ANKS1B: variants seen among roughly 807,000 people sequenced by gnomAD.
ANKS1B encodes ankyrin repeat and sterile alpha motif domain containing 1B.
Under a neutral mutation model 148.3 loss-of-function variants are expected in ANKS1B, and 36 were observed. The ratio of observed to expected loss-of-function variants is 0.24; its 90% CI spans 0.19 to 0.32. The LOEUF (loss-of-function observed/expected upper bound fraction) is 0.32. Among genes scored for constraint, ANKS1B ranks in the 10% least tolerant of loss-of-function variants. The pLI, the probability that ANKS1B is intolerant of heterozygous loss-of-function variation, is 1.00. For missense variants in ANKS1B, 1,157 were observed against 1,542.6 expected (o/e 0.75, Z 4.19); for synonymous variants, 542 against 560.8 (o/e 0.97, Z 0.47).
At chr12:99,282,673 G>A (rs935374845) in intron 12 of ANKS1B, among the ~76,000 whole-genome samples, 1 of 152,130 alleles carries the variant, frequency 6.6e-6, no homozygotes, top group African/African-American at 2.4e-5. Flanking sequence ...TGATGTATCG[G>A]ATGTGCCATA....
chr12:99,281,296 A>C (rs1206132156), intron 12 of ANKS1B, among the ~76,000 whole-genome samples: 1 of 152,222 alleles, frequency 6.6e-6, no homozygotes, highest in Non-Finnish European at 1.5e-5. Context: ...ATTTTTATGA[A>C]ATTGAAGGGT....
chr12:99,885,515 G>C (rs1272503417), intron 1 of ANKS1B, among the ~76,000 whole-genome samples: 1 of 152,024 alleles, frequency 6.6e-6, no homozygotes, highest in Admixed American at 6.6e-5. Flanking sequence ...ATGTTAGCCA[G>C]GATGGTCTCA....
chr12:98,917,535 CAAG>C (rs2152884654), intron 17 of ANKS1B, among the ~76,000 whole-genome samples: 2 of 152,280 alleles, frequency 1.3e-5, no homozygotes, highest in South Asian at 4.1e-4. Flanking sequence ...TGAAGACAGA[CAAG>C]AAAAACAGTC....
chr12:99,942,614 G>A (rs1267668189), intron 1 of ANKS1B, among the ~76,000 whole-genome samples: 4 of 152,062 alleles, frequency 2.6e-5, no homozygotes, highest in Non-Finnish European at 5.9e-5. Context: ...TTTTAGAACA[G>A]GAAAGAGCAG....
chr12:99,501,179 G>A (rs2152996267), intron 10 of ANKS1B, among the ~76,000 whole-genome samples: 2 of 151,818 alleles, frequency 1.3e-5, no homozygotes, highest in African/African-American at 4.8e-5. Flanking sequence ...CTTTATAATG[G>A]CACAGTCATT....
intron 14 of ANKS1B, among the ~76,000 whole-genome samples, chr12:99,244,014 A>G (rs1230350936): frequency 1.3e-5 from 2 of 152,152 alleles, no homozygotes; most frequent in Non-Finnish European, 2.9e-5. Flanking sequence ...CACTTAAAGT[A>G]TAATAATAAA....
intron 12 of ANKS1B, among the ~76,000 whole-genome samples, chr12:99,317,222 G>C (rs1253987207): frequency 1.3e-5 from 2 of 152,206 alleles, no homozygotes; most frequent in Non-Finnish European, 2.9e-5. Flanking sequence ...TTGGTAGCTT[G>C]ATGGGAATGG....
intron 8 of ANKS1B, among the ~76,000 whole-genome samples, chr12:99,722,755 C>T (rs2058215148): frequency 6.6e-6 from 1 of 152,208 alleles, no homozygotes; most frequent in South Asian, 2.1e-4. Flanking sequence ...CAACAAGAAG[C>T]AGCCACCGTC....
chr12:99,766,683 A>G (rs2062676763), intron 8 of ANKS1B, among the ~76,000 whole-genome samples: 1 of 152,146 alleles, frequency 6.6e-6, no homozygotes, highest in South Asian at 2.1e-4. Flanking sequence ...TAAGAAATAG[A>G]TTGTTCAGGT....
intron 14 of ANKS1B, among the ~76,000 whole-genome samples, chr12:99,205,356 T>G (rs1011069605): frequency 6.6e-6 from 1 of 152,226 alleles, no homozygotes; most frequent in South Asian, 2.1e-4. Context: ...ATCATAATGG[T>G]CATTTTATTT....
intron 1 of ANKS1B, among the ~76,000 whole-genome samples, chr12:99,830,102 C>T (rs529265258): frequency 1.3e-5 from 2 of 152,118 alleles, no homozygotes; most frequent in African/African-American, 4.8e-5. Flanking sequence ...CTTCAATCTG[C>T]AATCTTCAAT....
chr12:99,355,929 G>A (rs1262220824), intron 12 of ANKS1B, among the ~76,000 whole-genome samples: 1 of 151,904 alleles, frequency 6.6e-6, no homozygotes, highest in Non-Finnish European at 1.5e-5. Context: ...GAAGAGAAAA[G>A]GATGGAAATT....
chr12:99,040,158 C>T lies in ANKS1B; in HGVS notation c.2778+12999G>A, dbSNP rs187281434. Among the ~76,000 whole-genome samples, 366 of 152,210 alleles carry T rather than the reference C, an allele frequency of 2.4e-3. 4 individuals are homozygous for T. The highest frequency in any genetic ancestry group is 0.01 in the Middle Eastern group (3 of 294). Reference sequence around the variant, plus strand: ...GTAGGTCTGGCCATGGGTCTTTCTCCTTCCTTAGTACAATTTCTAAAGGGA... The same window carrying T: ...GTAGGTCTGGCCATGGGTCTTTCTCTTTCCTTAGTACAATTTCTAAAGGGA... On this transcript the variant is annotated intron_variant, in intron 17 of 26. Transcript: ENST00000683438.
chr12:99,958,388 T>G (rs924259488), intron 1 of ANKS1B, among the ~76,000 whole-genome samples: 8 of 152,268 alleles, frequency 5.3e-5, no homozygotes, highest in South Asian at 2.1e-4. Context: ...TTTTTGTTTT[T>G]GGGGGGTTTT....
At chr12:99,646,451 T>C (rs1175688081) in intron 9 of ANKS1B, among the ~76,000 whole-genome samples, 2 of 151,612 alleles carry the variant, frequency 1.3e-5, no homozygotes, top group Non-Finnish European at 2.9e-5. Flanking sequence ...AGGTCAGGAG[T>C]TCGAGACCAG....
At chr12:98,809,307 T>C (rs906589144) in intron 19 of ANKS1B, among the ~76,000 whole-genome samples, 31 of 152,358 alleles carry the variant, frequency 2.0e-4, no homozygotes, top group Admixed American at 1.6e-3. Flanking sequence ...ATTCACTCTG[T>C]TGGCCTTGTC....
chr12:99,814,235 A>G (rs764361766), intron 2 of ANKS1B, among the ~76,000 whole-genome samples: 1 of 151,672 alleles, frequency 6.6e-6, no homozygotes, highest in Non-Finnish European at 1.5e-5. Context: ...CCCTGTCATT[A>G]AGAAACACAT....
At chr12:98,832,811 G>T (rs1439485503) in intron 17 of ANKS1B, among the ~76,000 whole-genome samples, 2 of 152,106 alleles carry the variant, frequency 1.3e-5, no homozygotes, top group African/African-American at 2.4e-5. Flanking sequence ...TACAAGCTTA[G>T]TGTTTGTGTT....
intron 12 of ANKS1B, among the ~76,000 whole-genome samples, chr12:99,322,556 CA>C (rs1176373694): frequency 1.0e-4 from 15 of 149,562 alleles, no homozygotes; most frequent in South Asian, 6.5e-4. Flanking sequence ...CAAAACAAAA[CA>C]AAAAACAATA....
Sources: gnomAD v4.1 joint callset for allele counts (sites outside exome capture counted in the v4.1 genomes callset) on GRCh38, gnomAD v4.1.1 for gene constraint, MANE v1.5 for transcripts, NCBI Gene and HGNC (gene_info 2026-07-23, HGNC 2026-07-21) for gene names.